Variants in MSRA observed in about 807,000 individuals in gnomAD.
MSRA encodes the protein mitochondrial peptide methionine sulfoxide reductase.
Under a neutral mutation model 31.3 loss-of-function variants are expected in MSRA, and 54 were observed. The ratio of observed to expected loss-of-function variants is 1.73; its 90% CI spans 1.39 to 2.17. The LOEUF is 2.17. MSRA is among the 30% of genes most tolerant of loss of function. The probability of loss-of-function intolerance (pLI) is 0.00; values close to 1 mark genes in which losing one functional copy is unlikely to be tolerated. For missense variants in MSRA, 507 were observed against 300.9 expected (o/e 1.69, Z -5.07); for synonymous variants, 169 against 116.5 (o/e 1.45, Z -2.90).
At chr8:10,128,248 G>A (rs1480614048) in intron 1 of MSRA, among the ~76,000 whole-genome samples, 3 of 152,114 alleles carry the variant, frequency 2.0e-5, no homozygotes, top group Non-Finnish European at 4.4e-5. Flanking sequence ...GCGTGGTGGT[G>A]GAGGCCTGTA....
intron 5 of MSRA, among the ~76,000 whole-genome samples, chr8:10,378,776 C>T (rs1024019761): frequency 3.3e-5 from 5 of 152,210 alleles, no homozygotes; most frequent in African/African-American, 1.2e-4. Context: ...GGGGGTGAGG[C>T]CCAGTAATTC....
chr8:10,151,319 G>A (rs1803655442), intron 1 of MSRA, among the ~76,000 whole-genome samples: 2 of 150,972 alleles, frequency 1.3e-5, no homozygotes, highest in Non-Finnish European at 2.9e-5. Flanking sequence ...CTTAGTCAGT[G>A]GAAAGGATTT....
intron 3 of MSRA, among the ~76,000 whole-genome samples, chr8:10,276,803 C>T (rs909365150): frequency 6.6e-6 from 1 of 152,146 alleles, no homozygotes; most frequent in Non-Finnish European, 1.5e-5. Context: ...GCAAATGAAT[C>T]CTCCTTCCCT....
intron 4 of MSRA, among the ~76,000 whole-genome samples, chr8:10,307,642 G>A (rs780661795): frequency 3.6e-4 from 55 of 152,220 alleles, no homozygotes; most frequent in Non-Finnish European, 6.3e-4. Context: ...TACACATAAT[G>A]CATTCTCCAG....
At chr8:10,267,141 C>T (rs1333094750) in intron 3 of MSRA, among the ~76,000 whole-genome samples, 1 of 152,186 alleles carries the variant, frequency 6.6e-6, no homozygotes, top group African/African-American at 2.4e-5. Context: ...AGTGATTGCA[C>T]ATTGTTTACC....
chr8:10,381,983 A>G (rs1172296513), intron 5 of MSRA, among the ~76,000 whole-genome samples: 1 of 152,220 alleles, frequency 6.6e-6, no homozygotes, highest in African/African-American at 2.4e-5. Flanking sequence ...TGGAAGAAGT[A>G]ATATGTGATT....
Position 10,228,863 on chromosome 8 carries a change from A to G in MSRA, c.212-16241A>G, listed in dbSNP as rs76797078. Among the ~76,000 whole-genome samples the G allele has an allele frequency of 7.6e-3, 1,154 of 152,268 alleles. 5 individuals are homozygous for G. Among genetic ancestry groups the G allele is most frequent in the Non-Finnish European group, 0.013 (880 of 68,022 alleles). On this transcript the variant is annotated intron_variant, in intron 2 of 5. Coordinates refer to ENST00000317173, the MANE Select transcript of MSRA (RefSeq NM_012331.5). Reference sequence around the variant, plus strand: ...GCAGGCATTTGGTGGATACAAACTCATTTATTCCTTTCCCTTAACTTCCTT... The same window carrying G: ...GCAGGCATTTGGTGGATACAAACTCGTTTATTCCTTTCCCTTAACTTCCTT...
chr8:10,262,060 T>C (rs1272738344), intron 3 of MSRA, among the ~76,000 whole-genome samples: 1 of 152,244 alleles, frequency 6.6e-6, no homozygotes, highest in East Asian at 1.9e-4. Context: ...TGATGGCTTA[T>C]GTCTTTTTAT....
intron 1 of MSRA, among the ~76,000 whole-genome samples, chr8:10,142,666 T>G (rs1802814545): frequency 6.6e-6 from 1 of 152,222 alleles, no homozygotes; most frequent in East Asian, 1.9e-4. Context: ...CTTCTGTTTG[T>G]TTTTAATGTC....
intron 1 of MSRA, among the ~76,000 whole-genome samples, chr8:10,169,588 A>T (rs1805427024): frequency 6.6e-6 from 1 of 152,232 alleles, no homozygotes; most frequent in Admixed American, 6.5e-5. Context: ...AGACACAAAA[A>T]CCAGAAGCCA....
intron 2 of MSRA, among the ~76,000 whole-genome samples, chr8:10,215,030 A>G (rs573228071): frequency 1.2e-4 from 18 of 152,120 alleles, no homozygotes; most frequent in Non-Finnish European, 2.5e-4. Context: ...GTCACAGAGG[A>G]GGGTGGGTTC....
chr8:10,255,685 C>G (rs2952204), intron 3 of MSRA, among the ~76,000 whole-genome samples: 1 of 151,516 alleles, frequency 6.6e-6, no homozygotes, highest in African/African-American at 2.4e-5. Context: ...TGAAAATGCT[C>G]TGGGGAACAA....
intron 1 of MSRA, among the ~76,000 whole-genome samples, chr8:10,145,531 C>T (rs914166192): frequency 1.3e-5 from 2 of 152,190 alleles, no homozygotes; most frequent in African/African-American, 2.4e-5. Context: ...AGCAGGCATC[C>T]TCTGAAGAGG....
chr8:10,241,465 C>T (rs909383011), intron 2 of MSRA, among the ~76,000 whole-genome samples: 27 of 152,124 alleles, frequency 1.8e-4, no homozygotes, highest in African/African-American at 6.5e-4. Context: ...CTTCGATTAG[C>T]CTGGGAGATA....
At chr8:10,403,655 T>G (rs1025790365) in intron 5 of MSRA, among the ~76,000 whole-genome samples, 1 of 152,256 alleles carries the variant, frequency 6.6e-6, no homozygotes, top group Non-Finnish European at 1.5e-5. Flanking sequence ...CACAGAGGCC[T>G]GGCTCATGGG....
intron 1 of MSRA, among the ~76,000 whole-genome samples, chr8:10,078,586 G>A (rs1334890732): frequency 6.6e-6 from 1 of 152,236 alleles, no homozygotes; most frequent in Admixed American, 6.5e-5. Context: ...GCTGTAAACT[G>A]TGAAAGTGTA....
chr8:10,242,270 CAAA>C (rs11368200), intron 2 of MSRA, among the ~76,000 whole-genome samples: 4 of 138,818 alleles, frequency 2.9e-5, no homozygotes, highest in Non-Finnish European at 1.6e-5. Flanking sequence ...GACTCCATCT[CAAA>C]AAAAAAAAAA....
intron 1 of MSRA, among the ~76,000 whole-genome samples, chr8:10,106,085 G>A (rs1240263518): frequency 6.6e-6 from 1 of 152,222 alleles, no homozygotes; most frequent in Non-Finnish European, 1.5e-5. Context: ...TGGCACCACT[G>A]CGTGTCTGCT....
At chr8:10,098,823 G>A (rs896195020) in intron 1 of MSRA, among the ~76,000 whole-genome samples, 2 of 152,228 alleles carry the variant, frequency 1.3e-5, no homozygotes, top group African/African-American at 4.8e-5. Context: ...AAGAAACTGA[G>A]ATTGAGCCAC....
Sources: allele counts gnomAD v4.1 joint callset (sites outside exome capture counted in the v4.1 genomes callset), GRCh38; gene constraint gnomAD v4.1.1; transcripts MANE v1.5; gene names NCBI Gene and HGNC (gene_info 2026-07-23, HGNC 2026-07-21).